PCDHA3: variants seen among roughly 807,000 people sequenced by gnomAD.
PCDHA3 encodes the protein protocadherin alpha-3.
In PCDHA3, 41 loss-of-function variants were observed where a neutral mutation model predicts 62.2. The observed-to-expected ratio is 0.66, with a 90% confidence interval of 0.51 to 0.86. The LOEUF (loss-of-function observed/expected upper bound fraction) is 0.86. PCDHA3 is among the 40% of genes least tolerant of loss of function. The pLI, the probability that PCDHA3 is intolerant of heterozygous loss-of-function variation, is 0.00. For missense variants in PCDHA3, 1,304 were observed against 1,241.2 expected, an observed-to-expected ratio of 1.05 and a Z score of -0.76; for synonymous variants, 640 against 555.4, an observed-to-expected ratio of 1.15 and a Z score of -2.14.
chr5:140,883,852 G>A (rs1554180292), intron 1 of PCDHA3: 1 of 1,612,972 alleles, frequency 6.2e-7, no homozygotes. Flanking sequence ...ACGAGGAGCT[G>A]GAGCTGTTGC....
rs182904804 is a variant in PCDHA3 at position 140,841,857 on chromosome 5, T to A, written c.2394+38266T>A. 6.2e-6 allele frequency: 10 copies of A among 1,613,860 alleles called. 1 individual carries two copies. In the Admixed American group the frequency reaches 1.0e-4, roughly 16 times the overall value. ...AGGCTTAGCTCTCATGATTACTTCA[T>A]GCTAGATGTGAATTCAAAGAACGAT... On this transcript the variant is annotated intron_variant, in intron 1 of 3. Transcript: ENST00000522353.
chr5:140,861,362 C>T (rs2046877441), intron 1 of PCDHA3: 11 of 354,006 alleles, frequency 3.1e-5, no homozygotes, highest in South Asian at 2.4e-4. Context: ...ATAGCGTCTT[C>T]GCGGTCCCTA....
rs193081186 is a variant in PCDHA3, at chr5:140,886,365, A to G, written c.2394+82774A>G. Among the ~76,000 whole-genome samples the G allele has an allele frequency of 3.1e-3, 466 of 152,304 alleles. 3 individuals carry two copies. Among genetic ancestry groups the G allele is most frequent in the Middle Eastern group, 0.014 (4 of 294 alleles). On this transcript the variant is annotated intron_variant, in intron 1 of 3. Transcript: ENST00000522353. Reference sequence around the variant, plus strand: ...GTGCAGGTTTGTTACATAGGTGTACATGCCATGGTGTGCTTATCTATTATC... The same window carrying G: ...GTGCAGGTTTGTTACATAGGTGTACGTGCCATGGTGTGCTTATCTATTATC...
intron 1 of PCDHA3, among the ~76,000 whole-genome samples, chr5:140,946,167 T>C (rs2153672434): frequency 6.6e-6 from 1 of 151,842 alleles, no homozygotes; most frequent in South Asian, 2.1e-4. Context: ...AAAAGATGGG[T>C]AAAGGATGTG....
In PCDHA3 at chr5:140,938,408, G is replaced by A. The variant is rs115039361; in HGVS notation, c.2395-40541G>A. Among the ~76,000 whole-genome samples, 826 of 151,992 alleles carry A rather than the reference G, an allele frequency of 5.4e-3. 3 individuals are homozygous for A. The highest frequency in any genetic ancestry group is 0.019 in the African/African-American group (797 of 41,474). ...TAATATGAAATACATTGTTTGATTG[G>A]GTTTATTTGCAAAAATCCTTTATCA... On this transcript the variant is annotated intron_variant, in intron 1 of 3. Coordinates refer to ENST00000522353, the MANE Select transcript of PCDHA3 (RefSeq NM_018906.3).
chr5:140,967,021 C>G, intron 1 of PCDHA3: 2 of 1,607,830 alleles, frequency 1.2e-6, no homozygotes, highest in Non-Finnish European at 1.7e-6. Context: ...TGGGTGCGCC[C>G]AGTCCGCGCT....
intron 1 of PCDHA3, among the ~76,000 whole-genome samples, chr5:140,975,986 G>C (rs1554237183): frequency 6.6e-6 from 1 of 152,112 alleles, no homozygotes; most frequent in East Asian, 1.9e-4. Context: ...ATAGTCCTGG[G>C]AGGTACCATC....
rs1439060369 is a variant in PCDHA3, at chr5:140,850,679, C to T, written c.2394+47088C>T. On this transcript the variant is annotated intron_variant, in intron 1 of 3. Transcript: ENST00000522353. ...TGCTGCGGTGCTCGGCGATGCCCAC[C>T]GAGGGCGAGTGCGCGCCTGGCAAGC... The T allele has an allele frequency of 1.4e-5, 22 of 1,598,378 alleles. 1 individual carries two copies. The highest frequency in any genetic ancestry group is 3.4e-5 in the Admixed American group (2 of 59,276).
rs1554244455 is a variant in PCDHA3 at position 140,982,542 on chromosome 5, A to G, written c.2521A>G (p.Thr841Ala). The G allele has an allele frequency of 1.9e-6, 3 of 1,614,210 alleles. No homozygotes were observed. The highest frequency in any genetic ancestry group is 2.2e-5 in the East Asian group (1 of 44,888). Residue 841 changes from threonine (T) to alanine (A), a missense_variant, in exon 3 of 4, where the codon ACA becomes GCA. Transcript: ENST00000522353. ...GPGGPDQQWP[T>A]VSSATPEPEA... ...AGGAGGGCCTGATCAGCAGTGGCCA[A>G]CAGTATCCAGTGCAACACCAGGTAA...
At chr5:140,967,792 A>C (rs371669028) in intron 1 of PCDHA3, 5 of 1,614,212 alleles carry the variant, frequency 3.1e-6, no homozygotes, top group Non-Finnish European at 4.2e-6. Flanking sequence ...ACCGGGGTCC[A>C]GTGCCCATGG....
intron 1 of PCDHA3, chr5:140,807,982 C>A (rs1226145828): frequency 6.2e-7 from 1 of 1,613,314 alleles, no homozygotes; most frequent in Non-Finnish European, 8.5e-7. Context: ...TTAAACTTAA[C>A]GCCTCAGATT....
rs1192658029 is a variant in PCDHA3 at position 141,011,915 on chromosome 5, A to G, written c.*1978A>G. On this transcript the variant is annotated 3_prime_UTR_variant, in exon 4 of 4. Coordinates refer to ENST00000522353, the MANE Select transcript of PCDHA3 (RefSeq NM_018906.3). Reference sequence around the variant, plus strand: ...ATATTATCTATTTAGGCATTAATATAAAAGAGGTAGGAGTCTGTTATTTAA... The same window carrying G: ...ATATTATCTATTTAGGCATTAATATGAAAGAGGTAGGAGTCTGTTATTTAA... 1 of 153,728 alleles carries G rather than the reference A, an allele frequency of 6.5e-6. No homozygotes were observed. Among genetic ancestry groups the G allele is most frequent in the Admixed American group, 6.5e-5 (1 of 15,286 alleles). 9.5% of individuals were successfully genotyped at this position (153,728 alleles called of 1,614,324 possible). A position where few individuals can be genotyped will look rare whatever the true frequency, so the allele number is the denominator to read the frequency against.
intron 1 of PCDHA3, among the ~76,000 whole-genome samples, chr5:140,880,113 C>T (rs957295411): frequency 4.6e-5 from 7 of 152,220 alleles, no homozygotes; most frequent in Admixed American, 3.3e-4. Context: ...GAAGGATAGA[C>T]AACAGGAAGC....
chr5:140,999,712 C>T (rs1411166924), intron 3 of PCDHA3, among the ~76,000 whole-genome samples: 9 of 152,204 alleles, frequency 5.9e-5, no homozygotes, highest in African/African-American at 9.6e-5. Flanking sequence ...TAGCTAACTA[C>T]GGAGACCAGC....
At chr5:140,964,584 A>G (rs1347418719) in intron 1 of PCDHA3, among the ~76,000 whole-genome samples, 2 of 152,132 alleles carry the variant, frequency 1.3e-5, no homozygotes, top group African/African-American at 4.8e-5. Context: ...GGGAGGAAAG[A>G]TCACTTTTCA....
chr5:140,965,676 G>A (rs906070464), intron 1 of PCDHA3, among the ~76,000 whole-genome samples: 1 of 152,132 alleles, frequency 6.6e-6, no homozygotes, highest in African/African-American at 2.4e-5. Flanking sequence ...AAATGTAAAA[G>A]ATTTGAAGCA....
intron 1 of PCDHA3, chr5:140,927,673 G>C: frequency 6.2e-7 from 1 of 1,614,224 alleles, no homozygotes; most frequent in Non-Finnish European, 8.5e-7. Flanking sequence ...CTTGGATCCA[G>C]ATGAAGGGTC....
intron 3 of PCDHA3, among the ~76,000 whole-genome samples, chr5:141,005,280 C>T (rs2098203817): frequency 6.6e-6 from 1 of 152,180 alleles, no homozygotes; most frequent in Non-Finnish European, 1.5e-5. Context: ...GGTGAATAAA[C>T]AGATACATTT....
intron 3 of PCDHA3, among the ~76,000 whole-genome samples, chr5:140,997,002 G>T (rs534893055): frequency 1.3e-5 from 2 of 152,118 alleles, no homozygotes; most frequent in East Asian, 1.9e-4. Context: ...TAACAATTTT[G>T]TGTGTATCCT....
Sources: allele counts gnomAD v4.1 joint callset (sites outside exome capture counted in the v4.1 genomes callset), GRCh38; gene constraint gnomAD v4.1.1; transcripts MANE v1.5; gene names NCBI Gene and HGNC (gene_info 2026-07-23, HGNC 2026-07-21).